The following KIZ variants were observed in gnomAD, a reference collection of about 807,000 sequenced individuals.
KIZ encodes the protein centrosomal protein kizuna.
Under a neutral mutation model 79.6 loss-of-function variants are expected in KIZ, and 68 were observed. The observed-to-expected ratio is 0.85, with a 90% CI of 0.70 to 1.05. The LOEUF (loss-of-function observed/expected upper bound fraction) is 1.05. KIZ is among the 50% of genes least tolerant of loss of function. The probability of loss-of-function intolerance (pLI) is 0.00; values close to 1 mark genes in which losing one functional copy is unlikely to be tolerated. For synonymous variants in KIZ, 280 were observed against 281.8 expected (o/e 0.99, Z 0.06); for missense variants, 797 against 800.4 (o/e 1.00, Z 0.05).
At chr20:21,163,600 TA>T (rs1398989647) in intron 6 of KIZ, among the ~76,000 whole-genome samples, 1 of 152,254 alleles carries the variant, frequency 6.6e-6, no homozygotes, top group Non-Finnish European at 1.5e-5. Context: ...TTAATCCTTA[TA>T]TTCCTTGCCA....
In KIZ at chr20:21,167,697, G is replaced by C. The variant is rs140555376; in HGVS notation, c.1352+4538G>C. On this transcript the variant is annotated intron_variant, in intron 6 of 12. Coordinates refer to ENST00000619189, the MANE Select transcript of KIZ (RefSeq NM_018474.6). The stretch of plus-strand genomic sequence containing the variant: ...ATGCCTCAGTCTCCCAAGTAGCTGG[G>C]ATTACAGGCATGTGCCAGCACATCC... 2.0e-3 allele frequency among the ~76,000 whole-genome samples: 301 copies of C among 151,918 alleles called. 2 individuals carry two copies. Among genetic ancestry groups the C allele is most frequent in the East Asian group, 8.0e-3 (41 of 5,144 alleles).
Position 21,188,586 on chromosome 20 carries a change from T to G in KIZ, c.1353-16905T>G, listed in dbSNP as rs1401392997. 2.0e-5 allele frequency among the ~76,000 whole-genome samples: 3 copies of G among 151,088 alleles called. No homozygotes were observed. In the East Asian group the frequency reaches 5.8e-4, roughly 29 times the overall value. ...GATCACCCCTTCTGACCCTACACCCTCCACATTTTTTTTTTTTAGTAGATA... is the reference window on the plus strand; with the variant it reads ...GATCACCCCTTCTGACCCTACACCCGCCACATTTTTTTTTTTTAGTAGATA... On this transcript the variant is annotated intron_variant, in intron 6 of 12. Coordinates refer to ENST00000619189, the MANE Select transcript of KIZ (RefSeq NM_018474.6).
chr20:21,231,432 T>C (rs577279068), intron 10 of KIZ, among the ~76,000 whole-genome samples: 3 of 152,350 alleles, frequency 2.0e-5, no homozygotes, highest in Admixed American at 6.5e-5. Context: ...TTGTACTTAA[T>C]GCATTTTTAT....
chr20:21,182,401 C>A (rs2034691308), intron 6 of KIZ, among the ~76,000 whole-genome samples: 2 of 152,162 alleles, frequency 1.3e-5, no homozygotes, highest in Non-Finnish European at 2.9e-5. Context: ...CTTCCCCTTG[C>A]ATCTTGTTGA....
chr20:21,238,574 T>A (rs1600625776), intron 11 of KIZ, among the ~76,000 whole-genome samples: 2 of 152,076 alleles, frequency 1.3e-5, no homozygotes, highest in African/African-American at 4.8e-5. Context: ...GATGGAAAGG[T>A]GTCTGGCTTC....
Position 21,126,109 on chromosome 20 carries a change from C to T in KIZ, c.-7C>T, listed in dbSNP as rs1405365306. On this transcript the variant is annotated 5_prime_UTR_variant, in exon 1 of 13. Coordinates refer to ENST00000619189, the MANE Select transcript of KIZ (RefSeq NM_018474.6). ...AGGCTGTGCTGAGCTGGCGCAGCGG[C>T]AGCAGCATGAGCCGGACCCTCGCAT... The T allele has an allele frequency of 2.0e-6, 3 of 1,510,132 alleles. No homozygotes were observed. The highest frequency in any genetic ancestry group is 4.2e-5 in the Admixed American group (2 of 47,306). The allele number at this position is 1,510,132 out of a possible 1,614,324, so 93.5% of individuals were successfully genotyped here. A position where few individuals can be genotyped will look rare whatever the true frequency, so the allele number is the denominator to read the frequency against.
At chr20:21,153,171 G>T (rs1480158525) in intron 4 of KIZ, among the ~76,000 whole-genome samples, 1 of 152,064 alleles carries the variant, frequency 6.6e-6, no homozygotes, top group African/African-American at 2.4e-5. Flanking sequence ...GCTCCTCCTT[G>T]TCACCTCGTA....
At chr20:21,171,532 C>T (rs976649758) in intron 6 of KIZ, among the ~76,000 whole-genome samples, 3 of 152,166 alleles carry the variant, frequency 2.0e-5, no homozygotes, top group Non-Finnish European at 4.4e-5. Flanking sequence ...GCAGCCTCGA[C>T]CTCCCCAAGC....
intron 6 of KIZ, among the ~76,000 whole-genome samples, chr20:21,188,875 T>C (rs751701345): frequency 1.9e-4 from 29 of 151,696 alleles, no homozygotes; most frequent in Non-Finnish European, 3.8e-4. Flanking sequence ...AATTTTTGTG[T>C]GTGTGTGTTT....
intron 10 of KIZ, among the ~76,000 whole-genome samples, chr20:21,230,829 T>C (rs13041408): frequency 0.2 from 30,472 of 152,052 alleles, 3,982 homozygotes; most frequent in Middle Eastern, 0.33. Context: ...TCCATGACCT[T>C]CTTCACATTT....
intron 11 of KIZ, among the ~76,000 whole-genome samples, chr20:21,234,010 AAAAG>A (rs1372893431): frequency 1.3e-5 from 2 of 152,194 alleles, no homozygotes; most frequent in African/African-American, 4.8e-5. Context: ...TAGGTCTCCT[AAAAG>A]AAAGTTTAAA....
At chr20:21,213,066 T>C (rs2036135175) in intron 7 of KIZ, among the ~76,000 whole-genome samples, 1 of 152,168 alleles carries the variant, frequency 6.6e-6, no homozygotes, top group South Asian at 2.1e-4. Context: ...CCAAGGGGAC[T>C]AGAACTCCTT....
rs769050401 is a variant in KIZ, at chr20:21,136,601, T to G, written c.315+49T>G. 108 of 809,854 alleles carry G rather than the reference T, an allele frequency of 1.3e-4. 1 individual carries two copies. The South Asian group carries it at 1.5e-3, about 11-fold the overall frequency. The allele number at this position is 809,854 out of a possible 1,614,324, so 50.2% of individuals were successfully genotyped here. A position where few individuals can be genotyped will look rare whatever the true frequency, so the allele number is the denominator to read the frequency against. On this transcript the variant is annotated intron_variant, in intron 3 of 12. Coordinates refer to ENST00000619189, the MANE Select transcript of KIZ (RefSeq NM_018474.6). ...TTTTATTTTATTTGTTGTTGTGTGT[T>G]TTTTTTTTTTTCTTCAAGATGAGAC... is the stretch of plus-strand genomic sequence containing the variant.
At chr20:21,138,522 T>C (rs2032327434) in intron 3 of KIZ, among the ~76,000 whole-genome samples, 1 of 152,216 alleles carries the variant, frequency 6.6e-6, no homozygotes, top group South Asian at 2.1e-4. Flanking sequence ...TTTAATTTTG[T>C]CAATTTTAAT....
chr20:21,181,042 A>G (rs959931075), intron 6 of KIZ, among the ~76,000 whole-genome samples: 6 of 152,236 alleles, frequency 3.9e-5, no homozygotes, highest in African/African-American at 1.4e-4. Flanking sequence ...CGGAATAACC[A>G]TGATGACTGG....
At chr20:21,188,078 A>G (rs1421156646) in intron 6 of KIZ, among the ~76,000 whole-genome samples, 1 of 152,212 alleles carries the variant, frequency 6.6e-6, no homozygotes, top group Non-Finnish European at 1.5e-5. Context: ...CTCAAAGTGA[A>G]TCATAAAAAC....
chr20:21,154,143 T>C (rs1487465733), intron 4 of KIZ: 1 of 152,226 alleles, frequency 6.6e-6, no homozygotes, highest in Non-Finnish European at 1.5e-5. Context: ...AAATTTGGTC[T>C]AACAGCTTCA....
chr20:21,212,983 A>G (rs1244338969), intron 7 of KIZ, among the ~76,000 whole-genome samples: 1 of 152,176 alleles, frequency 6.6e-6, no homozygotes, highest in Non-Finnish European at 1.5e-5. Context: ...AATAGAGGAA[A>G]AGCCCCTGGT....
intron 6 of KIZ, among the ~76,000 whole-genome samples, chr20:21,200,610 T>C (rs1480895774): frequency 3.3e-5 from 5 of 151,844 alleles, no homozygotes; most frequent in African/African-American, 1.2e-4. Context: ...ACAATAGGGT[T>C]CATGCTCCTA....
Sources: allele counts gnomAD v4.1 joint callset (sites outside exome capture counted in the v4.1 genomes callset), GRCh38; gene constraint gnomAD v4.1.1; transcripts MANE v1.5; gene names NCBI Gene and HGNC (gene_info 2026-07-23, HGNC 2026-07-21).